RAP1GAP2: variants seen among roughly 807,000 people sequenced by gnomAD.
RAP1GAP2 encodes the protein rap1 GTPase-activating protein 2.
In RAP1GAP2, 27 loss-of-function variants were observed where a neutral mutation model predicts 95.0. The observed-to-expected ratio is 0.28, with a 90% confidence interval of 0.21 to 0.39. The LOEUF (loss-of-function observed/expected upper bound fraction) is 0.39. Ranked by LOEUF, RAP1GAP2 falls within the 10% of genes least tolerant of loss-of-function variation. The pLI is 1.00. For synonymous variants in RAP1GAP2, 373 were observed against 380.9 expected (o/e 0.98, Z 0.24); for missense variants, 771 against 970.0 (o/e 0.79, Z 2.72).
chr17:2,768,467 G>A (rs1169194191), intron 1 of RAP1GAP2, among the ~76,000 whole-genome samples: 2 of 152,112 alleles, frequency 1.3e-5, no homozygotes, highest in East Asian at 1.9e-4. Flanking sequence ...CAAGGTGGGC[G>A]GATCACCTGA....
At position 2,963,336 on chromosome 17, in the gene RAP1GAP2, C is replaced by A. The variant is rs779031368; in HGVS notation, c.247-94C>A. ...GAATGTTCCTCCCTCAAAGCCCCCC[C>A]ACAACATATCCCCCTTGCAAGACCT... On this transcript the variant is annotated intron_variant, in intron 5 of 24. Coordinates refer to ENST00000254695, the MANE Select transcript of RAP1GAP2 (RefSeq NM_015085.5). This position sits in a 1 kb window ranked among gnomAD's most constrained non-coding sequence, Gnocchi z 4.8. The A allele has an allele frequency of 4.6e-5, 66 of 1,434,398 alleles. No homozygotes were observed. The Middle Eastern group carries it at 5.3e-4, about 11-fold the overall frequency. The allele number at this position is 1,434,398 out of a possible 1,614,324, so 88.9% of individuals were successfully genotyped here.
chr17:2,907,384 G>A (rs989292751), intron 3 of RAP1GAP2, among the ~76,000 whole-genome samples: 5 of 152,194 alleles, frequency 3.3e-5, no homozygotes, highest in Admixed American at 6.5e-5. Context: ...CCCAGTGCTC[G>A]GTTCTGGGGA....
At chr17:2,789,033 C>G (rs530872082) in intron 1 of RAP1GAP2, among the ~76,000 whole-genome samples, 1 of 152,220 alleles carries the variant, frequency 6.6e-6, no homozygotes, top group African/African-American at 2.4e-5. Context: ...ATGGGACGCC[C>G]GTTTCCTTAT....
At chr17:2,832,457 C>T (rs1252618457) in intron 2 of RAP1GAP2, among the ~76,000 whole-genome samples, 1 of 147,600 alleles carries the variant, frequency 6.8e-6, no homozygotes, top group Non-Finnish European at 1.5e-5. Context: ...ACTCGGGAGG[C>T]TGAGGCAGGA....
chr17:2,895,982 C>T lies in RAP1GAP2; in HGVS notation c.81-9302C>T, dbSNP rs530155869. Among the ~76,000 whole-genome samples, 158 of 152,124 alleles carry T rather than the reference C, an allele frequency of 1.0e-3. 2 individuals carry two copies. The South Asian group carries it at 0.029, about 27-fold the overall frequency. The stretch of plus-strand genomic sequence containing the variant: ...CCGTCATGCTGGTCACGTTCCTCTG[C>T]GTCCTGCTTCTGTGCCCTCCCCTTC... On this transcript the variant is annotated intron_variant, in intron 2 of 24. Coordinates refer to ENST00000254695, the MANE Select transcript of RAP1GAP2 (RefSeq NM_015085.5).
At position 2,927,389 on chromosome 17, in the gene RAP1GAP2, G is replaced by A. The variant is rs184045743; in HGVS notation, c.165+22021G>A. Among the ~76,000 whole-genome samples, 1,476 of 152,184 alleles carry A rather than the reference G, an allele frequency of 9.7e-3. 14 individuals are homozygous for A. The highest frequency in any genetic ancestry group is 0.024 in the Middle Eastern group (7 of 294). The stretch of plus-strand genomic sequence containing the variant: ...AGGATGGTCTCGATCTCCTGACCTC[G>A]TGATCCGCCCGCCTTGGCCTCCCAA... On this transcript the variant is annotated intron_variant, in intron 3 of 24. Transcript: ENST00000254695.
intron 3 of RAP1GAP2, among the ~76,000 whole-genome samples, chr17:2,951,911 G>A (rs2043937333): frequency 6.6e-6 from 1 of 152,072 alleles, no homozygotes; most frequent in Non-Finnish European, 1.5e-5. Flanking sequence ...GTGGGCGCCT[G>A]TAGTCCCAGG....
In RAP1GAP2 at chr17:2,835,545, G is replaced by C. The variant is rs369452850; in HGVS notation, c.80+34995G>C. ...TTGTTAATGGTCACTCATTGTCCGT[G>C]GTTGTCACATCTCTTTTGTCTCTTT... On this transcript the variant is annotated intron_variant, in intron 2 of 24. Coordinates refer to ENST00000254695, the MANE Select transcript of RAP1GAP2 (RefSeq NM_015085.5). Among the ~76,000 whole-genome samples, 7 of 152,292 alleles carry C rather than the reference G, an allele frequency of 4.6e-5. No individual in the cohort carries two copies. In the South Asian group the frequency reaches 6.2e-4, roughly 14 times the overall value.
In RAP1GAP2 at chr17:3,008,059, G is replaced by A. The variant is rs563503874; in HGVS notation, c.1408G>A (p.Ala470Thr). 1.4e-5 allele frequency: 22 copies of A among 1,613,820 alleles called. No homozygotes were observed. The highest frequency in any genetic ancestry group is 2.2e-5 in the East Asian group (1 of 44,888). ...GGACAACCTTCACGATGAGCTCCAC[G>A]CCCACACACAGGCCATGCTGGGACT... Reference protein sequence around the residue: ...LLDNLHDELHAHTQAMLGLGP... With the variant: ...LLDNLHDELHTHTQAMLGLGP... The change falls in exon 17 of 25, where the codon GCC (alanine) becomes ACC (threonine). Residue 470 changes from alanine (A) to threonine (T), a missense_variant. Physicochemically the swap from Ala to Thr is moderately conservative, Grantham distance 58. Coordinates refer to ENST00000254695, the MANE Select transcript of RAP1GAP2 (RefSeq NM_015085.5). The surrounding 1 kb of genome is among the most constrained non-coding windows in gnomAD (Gnocchi z 4.2).
At chr17:2,776,502 A>C (rs191283526), upstream of RAP1GAP2, among the ~76,000 whole-genome samples, 4,877 of 152,058 alleles carry the variant, frequency 0.032, 283 homozygotes, top group African/African-American at 0.11. Flanking sequence ...GCCCCCAGGG[A>C]GCTCAGGACC....
chr17:2,918,498 A>G (rs6502623), intron 3 of RAP1GAP2, among the ~76,000 whole-genome samples: 23,441 of 151,198 alleles, frequency 0.16, 2,397 homozygotes, highest in African/African-American at 0.3. Flanking sequence ...TACAGGCAGC[A>G]GGATGCTGAC....
intron 8 of RAP1GAP2, among the ~76,000 whole-genome samples, 190 bp from the exon 9 acceptor site, chr17:2,980,097 C>A (rs1056586366): frequency 6.6e-6 from 1 of 151,974 alleles, no homozygotes; most frequent in Non-Finnish European, 1.5e-5. Context: ...TCCGCCACCA[C>A]GTCTGGCTAA....
rs573131181 is a variant in RAP1GAP2 at position 2,943,004 on chromosome 17, A to G, written c.166-14755A>G. ...GGCTGGTCTTGAACTCCTGACCTCAAGTGATCTGCCCGCCTTGGCCACCCA... is the reference window on the plus strand; with the variant it reads ...GGCTGGTCTTGAACTCCTGACCTCAGGTGATCTGCCCGCCTTGGCCACCCA... On this transcript the variant is annotated intron_variant, in intron 3 of 24. Coordinates refer to ENST00000254695, the MANE Select transcript of RAP1GAP2 (RefSeq NM_015085.5). 2.2e-4 allele frequency among the ~76,000 whole-genome samples: 33 copies of G among 152,034 alleles called. 1 individual carries two copies. The highest frequency in any genetic ancestry group is 1.6e-3 in the East Asian group (8 of 5,146).
chr17:2,940,614 G>T (rs1413953819), intron 3 of RAP1GAP2, among the ~76,000 whole-genome samples: 3 of 152,172 alleles, frequency 2.0e-5, no homozygotes, highest in Admixed American at 6.5e-5. Context: ...TTAGTGTGAG[G>T]CCCAGCGAGG....
Position 2,771,760 on chromosome 17 carries a change from G to A in RAP1GAP2, c.167+1315G>A, listed in dbSNP as rs183941904. Among the ~76,000 whole-genome samples, 686 of 152,250 alleles carry A rather than the reference G, an allele frequency of 4.5e-3. 3 individuals are homozygous for A. The highest frequency in any genetic ancestry group is 0.015 in the African/African-American group (635 of 41,566). ...CCGCCTTGGCCTCCCAAAGTGCTGGGATTACAAGCGTGAGCCACTGTGCCC... is the reference window on the plus strand; with the variant it reads ...CCGCCTTGGCCTCCCAAAGTGCTGGAATTACAAGCGTGAGCCACTGTGCCC... On this transcript the variant is annotated intron_variant, in intron 2 of 25. Coordinates refer to the RAP1GAP2 transcript ENST00000637138.
At chr17:3,031,088 C>A in intron 23 of RAP1GAP2, 90 bp downstream of exon 23, 1 of 1,342,268 alleles carries the variant, frequency 7.5e-7, no homozygotes, top group Non-Finnish European at 1.0e-6. Flanking sequence ...TTCAGACATC[C>A]CAGAGGGGGC....
chr17:2,893,979 C>A (rs1165560243), intron 2 of RAP1GAP2, among the ~76,000 whole-genome samples: 1 of 152,238 alleles, frequency 6.6e-6, no homozygotes, highest in Non-Finnish European at 1.5e-5. Context: ...GGCTCCTGTT[C>A]ATTTTTGCTT....
rs1269969645 is a variant in RAP1GAP2 at position 3,027,195 on chromosome 17, C to G, written c.2107+125C>G. 8.1e-7 allele frequency: 1 copy of G among 1,236,448 alleles called. No individual in the cohort carries two copies. The highest frequency in any genetic ancestry group is 1.1e-6 in the Non-Finnish European group (1 of 918,782). The allele number at this position is 1,236,448 out of a possible 1,614,324, so 76.6% of individuals were successfully genotyped here. A position where few individuals can be genotyped will look rare whatever the true frequency, so the allele number is the denominator to read the frequency against. On this transcript the variant is annotated intron_variant, in intron 22 of 24. Transcript: ENST00000254695. The surrounding 1 kb of genome is among the most constrained non-coding windows in gnomAD (Gnocchi z 5.2). ...CACCCCTCCTCCCAGCTGTGAGGCC[C>G]TCCGCTCTGTGCGCCCGCCTCTTCT...
At chr17:2,776,460 G>A (rs2068501207), upstream of RAP1GAP2, among the ~76,000 whole-genome samples, 1 of 152,130 alleles carries the variant, frequency 6.6e-6, no homozygotes, top group Non-Finnish European at 1.5e-5. Flanking sequence ...GCCCCGCCCC[G>A]CGCCTTTGTT....
Sources: allele counts gnomAD v4.1 joint callset (sites outside exome capture counted in the v4.1 genomes callset), GRCh38; gene constraint gnomAD v4.1.1; non-coding constraint Gnocchi (gnomAD v3.1); transcripts MANE v1.5; gene names NCBI Gene and HGNC (gene_info 2026-07-23, HGNC 2026-07-21).